C16orf87: variants seen among roughly 807,000 people sequenced by gnomAD.
C16orf87 encodes the protein HDAC and MIER1 interacting protein 1, also known as UPF0547 protein C16orf87.
Under a neutral mutation model 21.0 loss-of-function variants are expected in C16orf87, and 13 were observed. The ratio of observed to expected loss-of-function variants is 0.62; its 90% confidence interval spans 0.40 to 0.98. C16orf87 has a LOEUF of 0.98. C16orf87 is among the 50% of genes least tolerant of loss of function. The pLI, the probability that C16orf87 is intolerant of heterozygous loss-of-function variation, is 0.00. For missense variants in C16orf87, 113 were observed against 180.4 expected (o/e 0.63, Z 2.14); for synonymous variants, 49 against 60.2 (o/e 0.81, Z 0.86).
intron 2 of C16orf87, among the ~76,000 whole-genome samples, chr16:46,814,163 A>G (rs1224825801): frequency 6.6e-6 from 1 of 152,216 alleles, no homozygotes; most frequent in Admixed American, 6.5e-5. Context: ...GATGGTTCTG[A>G]TAAGAAACAA....
intron 3 of C16orf87, chr16:46,808,179 T>C: frequency 2.2e-6 from 1 of 445,462 alleles, no homozygotes; most frequent in South Asian, 1.6e-5. Context: ...ACTCAAACCC[T>C]CTGGAAGAGC....
chr16:46,814,471 T>C (rs1968183598), intron 2 of C16orf87, among the ~76,000 whole-genome samples: 1 of 152,210 alleles, frequency 6.6e-6, no homozygotes, highest in Non-Finnish European at 1.5e-5. Flanking sequence ...AATGAAATAC[T>C]GTAAGAGATT....
chr16:46,824,529 T>C (rs374303531), intron 1 of C16orf87, 47 bp from the exon 2 acceptor site: 22 of 827,612 alleles, frequency 2.7e-5, no homozygotes, highest in Non-Finnish European at 4.0e-5. Context: ...TTTTCTATTG[T>C]TAAATTTCTC....
chr16:46,807,383 C>T (rs1488246456), intron 3 of C16orf87, among the ~76,000 whole-genome samples: 3 of 151,442 alleles, frequency 2.0e-5, no homozygotes, highest in African/African-American at 7.3e-5. Context: ...CTCCACTGCA[C>T]TCCAGCCTGG....
rs1447625354 is a variant in C16orf87 at position 46,800,648 on chromosome 16, A to C, written c.*2304T>G. On this transcript the variant is annotated 3_prime_UTR_variant, in exon 4 of 4. Transcript: ENST00000285697. Reference sequence around the variant, plus strand: ...GCAGAACAAATTTTGGATTAAGTAAAGAACTATAATTATACTCTTAGGACA... The same window carrying C: ...GCAGAACAAATTTTGGATTAAGTAACGAACTATAATTATACTCTTAGGACA... 2.0e-5 allele frequency: 3 copies of C among 152,252 alleles called. No individual in the cohort carries two copies. Among genetic ancestry groups the C allele is most frequent in the African/African-American group, 7.2e-5 (3 of 41,462 alleles). The allele number at this position is 152,252 out of a possible 1,614,324, so 9.4% of individuals were successfully genotyped here.
chr16:46,822,243 T>TAAG (rs1299678553), intron 2 of C16orf87, among the ~76,000 whole-genome samples: 1 of 152,136 alleles, frequency 6.6e-6, no homozygotes, highest in African/African-American at 2.4e-5. Flanking sequence ...TTTGTTGACT[T>TAAG]TCTTAACTCA....
chr16:46,805,201 C>G (rs557334769), intron 3 of C16orf87, among the ~76,000 whole-genome samples: 5 of 152,154 alleles, frequency 3.3e-5, no homozygotes, highest in Non-Finnish European at 7.4e-5. Context: ...TGACTTCCTT[C>G]TCCTCCATCT....
chr16:46,831,178 G>T lies in C16orf87; in HGVS notation c.-29C>A, dbSNP rs1310243129. 3 of 1,542,510 alleles carry T rather than the reference G, an allele frequency of 1.9e-6. No homozygotes were observed. The highest frequency in any genetic ancestry group is 2.6e-6 in the Non-Finnish European group (3 of 1,137,596). Reference sequence around the variant, plus strand: ...CCTCTCCCTTAGCGGCGGCAGCAGCGACGGCTCGGGCTCCTCCCCTCACAC... The same window carrying T: ...CCTCTCCCTTAGCGGCGGCAGCAGCTACGGCTCGGGCTCCTCCCCTCACAC... On this transcript the variant is annotated 5_prime_UTR_variant, in exon 1 of 4. Transcript: ENST00000285697.
intron 2 of C16orf87, among the ~76,000 whole-genome samples, chr16:46,818,435 C>CT (rs1400386843): frequency 6.6e-6 from 1 of 151,784 alleles, no homozygotes; most frequent in East Asian, 1.9e-4. Context: ...GTTTTTTTCC[C>CT]TTTTTTCTTT....
At chr16:46,823,640 A>T (rs1387271008) in intron 2 of C16orf87, among the ~76,000 whole-genome samples, 1 of 148,278 alleles carries the variant, frequency 6.7e-6, no homozygotes, top group Admixed American at 6.7e-5. Context: ...TCACTAGTTT[A>T]AAAAAAAAAC....
intron 1 of C16orf87, among the ~76,000 whole-genome samples, chr16:46,827,890 T>A (rs1281608577): frequency 6.6e-6 from 1 of 151,230 alleles, no homozygotes; most frequent in Non-Finnish European, 1.5e-5. Context: ...GCCTGGATTT[T>A]TTAAATCTGA....
intron 3 of C16orf87, among the ~76,000 whole-genome samples, chr16:46,809,299 A>T (rs1430337565): frequency 1.3e-5 from 2 of 152,014 alleles, no homozygotes; most frequent in African/African-American, 2.4e-5. Context: ...AAAAAAAAAA[A>T]AGTACAATCA....
intron 1 of C16orf87, among the ~76,000 whole-genome samples, chr16:46,828,978 A>G (rs1188746690): frequency 6.6e-6 from 1 of 152,178 alleles, no homozygotes; most frequent in Non-Finnish European, 1.5e-5. Context: ...CCAACTCATT[A>G]AATTATGTAC....
In C16orf87 at chr16:46,801,053, T is replaced by C. The variant is rs1967757799; in HGVS notation, c.*1899A>G. 2 of 151,016 alleles carry C rather than the reference T, an allele frequency of 1.3e-5. No individual in the cohort carries two copies. Among genetic ancestry groups the C allele is most frequent in the Non-Finnish European group, 3.0e-5 (2 of 67,320 alleles). The allele number at this position is 151,016 out of a possible 1,614,324, so 9.4% of individuals were successfully genotyped here. A position where few individuals can be genotyped will look rare whatever the true frequency, so the allele number is the denominator to read the frequency against. Reference sequence around the variant, plus strand: ...CGATAATTCCTTAAAGACGTGCTTATTCCACAAGCTGTTCTTGCTTTTTCT... The same window carrying C: ...CGATAATTCCTTAAAGACGTGCTTACTCCACAAGCTGTTCTTGCTTTTTCT... On this transcript the variant is annotated 3_prime_UTR_variant, in exon 4 of 4. Transcript: ENST00000285697.
At chr16:46,821,475 C>T (rs1959411114) in intron 2 of C16orf87, among the ~76,000 whole-genome samples, 1 of 152,132 alleles carries the variant, frequency 6.6e-6, no homozygotes, top group African/African-American at 2.4e-5. Flanking sequence ...GTTGCTGGTT[C>T]TTCCTCCTCC....
Position 46,822,154 on chromosome 16 carries a change from G to A in C16orf87, c.163+2232C>T, listed in dbSNP as rs1423760233. Among the ~76,000 whole-genome samples the A allele has an allele frequency of 3.9e-5, 6 of 152,072 alleles. No individual in the cohort carries two copies. In the South Asian group the frequency reaches 6.2e-4, roughly 16 times the overall value. Reference sequence around the variant, plus strand: ...CAGCCTCAACTTCCCAGGCTGATGCGATCCTCCTGCCTCGGCCTCCCAAAA... The same window carrying A: ...CAGCCTCAACTTCCCAGGCTGATGCAATCCTCCTGCCTCGGCCTCCCAAAA... On this transcript the variant is annotated intron_variant, in intron 2 of 3. Transcript: ENST00000285697.
At chr16:46,826,938 T>C (rs904370244) in intron 1 of C16orf87, among the ~76,000 whole-genome samples, 2 of 152,190 alleles carry the variant, frequency 1.3e-5, no homozygotes, top group East Asian at 1.9e-4. Context: ...CTCAATAAAT[T>C]TGAATTTGGG....
rs1959849488 is a variant in C16orf87 at position 46,831,175 on chromosome 16, A to T, written c.-26T>A. 1 of 1,546,804 alleles carries T rather than the reference A, an allele frequency of 6.5e-7. No homozygotes were observed. Among genetic ancestry groups the T allele is most frequent in the Non-Finnish European group, 8.8e-7 (1 of 1,140,858 alleles). On this transcript the variant is annotated 5_prime_UTR_variant, in exon 1 of 4. Coordinates refer to ENST00000285697, the MANE Select transcript of C16orf87 (RefSeq NM_001001436.4). ...GCTCCTCTCCCTTAGCGGCGGCAGC[A>T]GCGACGGCTCGGGCTCCTCCCCTCA...
intron 2 of C16orf87, among the ~76,000 whole-genome samples, chr16:46,819,755 A>C (rs1959336495): frequency 6.6e-6 from 1 of 151,130 alleles, no homozygotes; most frequent in Non-Finnish European, 1.5e-5. Flanking sequence ...CGGGCGGATT[A>C]CCTGAGGTCG....
Sources: gnomAD v4.1 joint callset for allele counts (sites outside exome capture counted in the v4.1 genomes callset) on GRCh38, gnomAD v4.1.1 for gene constraint, MANE v1.5 for transcripts, NCBI Gene and HGNC (gene_info 2026-07-23, HGNC 2026-07-21) for gene names.